The following TMEM132B variants were observed in gnomAD, a reference collection of about 807,000 sequenced individuals.
The protein encoded by TMEM132B is transmembrane protein 132B.
In TMEM132B, 18 loss-of-function variants were observed where a neutral mutation model predicts 90.8. The ratio of observed to expected loss-of-function variants is 0.20; its 90% CI spans 0.14 to 0.29. The LOEUF is 0.29. Among genes scored for constraint, TMEM132B ranks in the 10% least tolerant of loss-of-function variants. TMEM132B has a pLI of 1.00. For missense variants in TMEM132B, 1,096 were observed against 1,326.8 expected, an observed-to-expected ratio of 0.83 and a Z score of 2.70; for synonymous variants, 504 against 523.3, an observed-to-expected ratio of 0.96 and a Z score of 0.50.
At chr12:125,272,599 C>A (rs545081117) in intron 1 of TMEM132B, among the ~76,000 whole-genome samples, 2 of 152,120 alleles carry the variant, frequency 1.3e-5, no homozygotes, top group Non-Finnish European at 2.9e-5. Context: ...GAGTTGGCAC[C>A]ACATCCAAGT....
intron 1 of TMEM132B, among the ~76,000 whole-genome samples, chr12:125,258,546 G>T (rs1327149188): frequency 6.6e-6 from 1 of 152,156 alleles, no homozygotes; most frequent in Non-Finnish European, 1.5e-5. Flanking sequence ...CAGACTCCAA[G>T]TGCAAGGCAA....
intron 1 of TMEM132B, among the ~76,000 whole-genome samples, chr12:125,249,865 G>A (rs969706692): frequency 6.6e-6 from 1 of 152,164 alleles, no homozygotes; most frequent in Non-Finnish European, 1.5e-5. Flanking sequence ...GTCCCCCATC[G>A]GGCCACACAG....
intron 2 of TMEM132B, among the ~76,000 whole-genome samples, chr12:125,389,056 A>G (rs914604794): frequency 1.4e-5 from 2 of 145,038 alleles, no homozygotes; most frequent in African/African-American, 5.2e-5. Flanking sequence ...ACACACACAC[A>G]AACACACAAG....
At chr12:125,521,331 T>G (rs1883301053) in intron 4 of TMEM132B, among the ~76,000 whole-genome samples, 1 of 152,130 alleles carries the variant, frequency 6.6e-6, no homozygotes, top group Admixed American at 6.6e-5. Context: ...CCTTCTCCTT[T>G]TCCTTATTCC....
chr12:125,283,913 C>A (rs547093510), intron 1 of TMEM132B, among the ~76,000 whole-genome samples: 1 of 152,160 alleles, frequency 6.6e-6, no homozygotes, highest in African/African-American at 2.4e-5. Context: ...ATAAAGGAAT[C>A]GAGGTCCAGG....
intron 5 of TMEM132B, among the ~76,000 whole-genome samples, chr12:125,598,281 A>G (rs1165557065): frequency 6.6e-6 from 1 of 152,204 alleles, no homozygotes; most frequent in African/African-American, 2.4e-5. Flanking sequence ...TTTCACTGCT[A>G]ATAAAGATTT....
At chr12:125,497,480 C>T (rs1189800995) in intron 3 of TMEM132B, among the ~76,000 whole-genome samples, 1 of 152,096 alleles carries the variant, frequency 6.6e-6, no homozygotes, top group Non-Finnish European at 1.5e-5. Flanking sequence ...ATACTTTATT[C>T]CAGGAGATTT....
intron 3 of TMEM132B, among the ~76,000 whole-genome samples, chr12:125,421,820 C>T (rs917540615): frequency 6.6e-6 from 1 of 152,136 alleles, no homozygotes; most frequent in African/African-American, 2.4e-5. Context: ...CAAGTGCCAT[C>T]GTATGGATTT....
rs368155735 is a variant in TMEM132B at position 125,644,193 on chromosome 12, G to A, written c.1555G>A (p.Ala519Thr). 28 of 1,614,058 alleles carry A rather than the reference G, an allele frequency of 1.7e-5. No individual in the cohort carries two copies. In the African/African-American group the frequency reaches 3.3e-4, roughly 19 times the overall value. Residue 519 changes from alanine (A) to threonine (T), a missense_variant, in exon 6 of 9, where the codon GCA (alanine) becomes ACA (threonine). By Grantham distance (58) the Ala-to-Thr change is moderately conservative. Transcript: ENST00000682704. Reference sequence around the variant, plus strand: ...CTCCCAGTTCGAGGTCACTGTCTGGGCACCCAGGCTCCCCCTGCAGATTGA... The same window carrying A: ...CTCCCAGTTCGAGGTCACTGTCTGGACACCCAGGCTCCCCCTGCAGATTGA... ...FTSQFEVTVW[A>T]PRLPLQIEIS...
chr12:125,362,852 G>A (rs1427803736), intron 2 of TMEM132B, among the ~76,000 whole-genome samples: 5 of 152,224 alleles, frequency 3.3e-5, no homozygotes, highest in Non-Finnish European at 5.9e-5. Context: ...CCCCCTTCCA[G>A]TCCTGATTGC....
chr12:125,598,175 C>G (rs1463724757), intron 5 of TMEM132B, among the ~76,000 whole-genome samples: 1 of 152,174 alleles, frequency 6.6e-6, no homozygotes, highest in East Asian at 1.9e-4. Context: ...AAACTGAAAT[C>G]ATTGCCTTGA....
intron 5 of TMEM132B, among the ~76,000 whole-genome samples, chr12:125,615,975 G>A (rs1215667131): frequency 6.6e-6 from 1 of 152,024 alleles, no homozygotes; most frequent in Non-Finnish European, 1.5e-5. Context: ...AAGTTTTAGG[G>A]TACATGTGCA....
rs186694031 is a variant in TMEM132B, at chr12:125,318,695, C to A, written c.68-30757C>A. ...ATCCATATCCCTGCAAAGGACATTT[C>A]ATTCCTTTTAATGGCTGCATAATAT... On this transcript the variant is annotated intron_variant, in intron 1 of 8. Transcript: ENST00000682704. 2.6e-5 allele frequency among the ~76,000 whole-genome samples: 4 copies of A among 152,318 alleles called. No individual in the cohort carries two copies. The East Asian group carries it at 7.7e-4, about 29-fold the overall frequency.
intron 1 of TMEM132B, among the ~76,000 whole-genome samples, chr12:125,190,466 AAG>A (rs2136046959): frequency 8.4e-6 from 1 of 119,048 alleles, no homozygotes; most frequent in East Asian, 3.0e-4. Context: ...GGGGATGGGA[AAG>A]GGGTGGTGGT....
Position 125,652,150 on chromosome 12 carries a change from A to G in TMEM132B, c.1915-291A>G, listed in dbSNP as rs181576519. Reference sequence around the variant, plus strand: ...GTTGCTCTTTGAGTACCTAATATCAATGGACAGTTTTTTATTATTGCCTGT... The same window carrying G: ...GTTGCTCTTTGAGTACCTAATATCAGTGGACAGTTTTTTATTATTGCCTGT... On this transcript the variant is annotated intron_variant, in intron 7 of 8. Coordinates refer to ENST00000682704, the MANE Select transcript of TMEM132B (RefSeq NM_001366854.1). 3.2e-3 allele frequency among the ~76,000 whole-genome samples: 488 copies of G among 152,340 alleles called. 4 individuals carry two copies. Among genetic ancestry groups the G allele is most frequent in the African/African-American group, 0.011 (470 of 41,582 alleles).
chr12:125,314,707 T>A (rs370787994), intron 1 of TMEM132B, among the ~76,000 whole-genome samples: 1 of 152,226 alleles, frequency 6.6e-6, no homozygotes, highest in East Asian at 1.9e-4. Flanking sequence ...GAGGCTGCTG[T>A]CATTTTTCAG....
intron 3 of TMEM132B, among the ~76,000 whole-genome samples, chr12:125,516,202 T>G (rs1883159954): frequency 6.6e-6 from 1 of 152,070 alleles, no homozygotes; most frequent in African/African-American, 2.4e-5. Flanking sequence ...CTCACATGCC[T>G]CCTTCCCCAC....
intron 3 of TMEM132B, among the ~76,000 whole-genome samples, chr12:125,505,849 C>T (rs1030743088): frequency 2.0e-5 from 3 of 152,132 alleles, no homozygotes; most frequent in Admixed American, 2.0e-4. Context: ...AAAAGGGCCT[C>T]AGGGCCCTGT....
At chr12:125,623,515 G>A (rs1370973684) in intron 5 of TMEM132B, among the ~76,000 whole-genome samples, 6 of 151,964 alleles carry the variant, frequency 3.9e-5, no homozygotes, top group African/African-American at 1.2e-4. Flanking sequence ...CATCTAATAG[G>A]GAGTGAGATA....
Sources: gnomAD v4.1 joint callset for allele counts (sites outside exome capture counted in the v4.1 genomes callset) on GRCh38, gnomAD v4.1.1 for gene constraint, MANE v1.5 for transcripts, NCBI Gene and HGNC (gene_info 2026-07-23, HGNC 2026-07-21) for gene names.